The following RYR2 variants were observed in gnomAD, a reference collection of about 807,000 sequenced individuals.
RYR2 encodes the protein cardiac muscle ryanodine receptor-calcium release channel.
Under a neutral mutation model 601.1 loss-of-function variants are expected in RYR2, and 227 were observed. That is an observed-to-expected ratio of 0.38 (90% CI 0.34 to 0.42). RYR2 has a LOEUF of 0.42. Ranked by LOEUF, RYR2 falls within the 10% of genes least tolerant of loss-of-function variation. RYR2 has a pLI of 1.00. For synonymous variants in RYR2, 2,223 were observed against 2,175.1 expected, an observed-to-expected ratio of 1.02 and a Z score of -0.61; for missense variants, 4,646 against 6,156.5, an observed-to-expected ratio of 0.75 and a Z score of 8.21.
chr1:237,548,300 TG>T, intron 25 of RYR2, 130 bp from the exon 26 acceptor site: 1 of 824,672 alleles, frequency 1.2e-6, no homozygotes, highest in Non-Finnish European at 1.9e-6. Context: ...GCTTGCTGTC[TG>T]GTACTTCACC....
intron 1 of RYR2, among the ~76,000 whole-genome samples, chr1:237,241,887 C>A (rs984340141): frequency 6.6e-6 from 1 of 152,136 alleles, no homozygotes; most frequent in Non-Finnish European, 1.5e-5. Context: ...TGAGGATGAA[C>A]AGAGGTCACT....
intron 1 of RYR2, among the ~76,000 whole-genome samples, chr1:237,164,416 G>C (rs1410018861): frequency 1.3e-5 from 2 of 152,238 alleles, no homozygotes. Context: ...GGTGAGCCAT[G>C]TCATTGTTGG....
intron 17 of RYR2, among the ~76,000 whole-genome samples, chr1:237,491,397 G>A (rs1388722642): frequency 6.6e-6 from 1 of 152,062 alleles, no homozygotes; most frequent in Non-Finnish European, 1.5e-5. Flanking sequence ...CACTCACTCT[G>A]TACATGAGGC....
intron 1 of RYR2, among the ~76,000 whole-genome samples, chr1:237,167,071 C>T (rs1436020313): frequency 1.3e-5 from 2 of 152,192 alleles, no homozygotes; most frequent in Non-Finnish European, 2.9e-5. Context: ...CCCATAAAAG[C>T]TGTAACCAAA....
rs778358338 is a variant in RYR2, at chr1:237,638,431, G to T, written c.6867G>T (p.Gly2289=). The change falls in exon 45 of 105, where the codon GGG becomes GGT. Residue 2289 remains glycine (G), a synonymous_variant. Coordinates refer to ENST00000366574, the MANE Select transcript of RYR2 (RefSeq NM_001035.3). The stretch of plus-strand genomic sequence containing the variant: ...TGTCTAAGGGCTATCCAGACATTGG[G>T]TGGAACCCAGTTGAAGGAGAGAGAT... ...MLVSKGYPDI[G]WNPVEGERYL... 2.5e-6 allele frequency: 4 copies of T among 1,613,832 alleles called. No homozygotes were observed. The highest frequency in any genetic ancestry group is 3.4e-6 in the Non-Finnish European group (4 of 1,179,856).
Position 237,493,080 on chromosome 1 carries a change from G to A in RYR2, c.1954G>A (p.Val652Ile). 1 of 1,613,612 alleles carries A rather than the reference G, an allele frequency of 6.2e-7. No individual in the cohort carries two copies. The highest frequency in any genetic ancestry group is 8.5e-7 in the Non-Finnish European group (1 of 1,179,786). ...LLLQTRLVNH[V>I]SSMRPNIFLG... ...ATTGCAGACACGTCTTGTGAACCAT[G>A]TCAGCAGGTAAATTCAGACAGACAA... Residue 652 changes from valine to isoleucine, a missense_variant, in exon 19 of 105, where the codon GTC (valine) becomes ATC (isoleucine). Val to Ile is a conservative substitution (Grantham distance 29, BLOSUM62 3). Transcript: ENST00000366574.
At chr1:237,451,580 C>CA (rs3035864) in intron 14 of RYR2, among the ~76,000 whole-genome samples, 15,593 of 119,970 alleles carry the variant, frequency 0.13, 2,476 homozygotes, top group African/African-American at 0.41. Flanking sequence ...AACTCTGTCT[C>CA]AAAAAAAAAA....
At chr1:237,607,744 G>C (rs866579500) in intron 35 of RYR2, among the ~76,000 whole-genome samples, 14 of 152,248 alleles carry the variant, frequency 9.2e-5, no homozygotes, top group South Asian at 4.1e-4. Context: ...CAGGAAAAAA[G>C]GTTGAACTTA....
At chr1:237,500,664 T>A (rs765354605) in intron 20 of RYR2, 47 bp from the exon 21 acceptor site, 3 of 1,494,146 alleles carry the variant, frequency 2.0e-6, no homozygotes. Flanking sequence ...GCTGATTCTC[T>A]GAGATAAAAA....
chr1:237,216,260 C>T (rs955366194), intron 1 of RYR2, among the ~76,000 whole-genome samples: 8 of 152,118 alleles, frequency 5.3e-5, no homozygotes, highest in Admixed American at 3.3e-4. Context: ...TCAGTCTTTT[C>T]AACCTATGTC....
intron 1 of RYR2, among the ~76,000 whole-genome samples, chr1:237,240,678 A>C (rs192664453): frequency 0.012 from 1,739 of 148,166 alleles, 35 homozygotes; most frequent in African/African-American, 0.039. Flanking sequence ...AAAAAAAAAA[A>C]AAAAAAAAAA....
rs10567644 is a variant in RYR2, at chr1:237,383,417, G to GTTTTT, written c.577-3838_577-3834dup. 2.3e-3 allele frequency among the ~76,000 whole-genome samples: 114 copies of GTTTTT among 50,586 alleles called. 13 individuals carry two copies. The highest frequency in any genetic ancestry group is 3.3e-3 in the Non-Finnish European group (88 of 26,520). The allele number at this position is 50,586 out of a possible 152,430, so 33.2% of individuals were successfully genotyped here. ...TTTACATTTTCTTTTCTTTTTTCTT[G>GTTTTT]TTTTTTTTTTTTTTTTTTTTTTTTT... is the stretch of plus-strand genomic sequence containing the variant. On this transcript the variant is annotated intron_variant, in intron 8 of 104. Coordinates refer to ENST00000366574, the MANE Select transcript of RYR2 (RefSeq NM_001035.3).
At position 237,417,111 on chromosome 1, in the gene RYR2, C is replaced by T. The variant is rs754312807; in HGVS notation, c.836C>T (p.Thr279Met). 2.4e-5 allele frequency: 38 copies of T among 1,613,160 alleles called. No individual in the cohort carries two copies. The highest frequency in any genetic ancestry group is 1.6e-4 in the Middle Eastern group (1 of 6,062). The change falls in exon 11 of 105, where the codon ACG becomes ATG. Residue 279 changes from threonine to methionine, a missense_variant. Physicochemically the swap from Thr to Met is moderately conservative, Grantham distance 81. Transcript: ENST00000366574. ...GCACGTTCCCTTTGGAGACTAGAGA[C>T]GCTAAGAGTTGCGTAAGTAGAACTT... Reference protein sequence around the residue: ...VHARSLWRLETLRVAWSGSHI... With the variant: ...VHARSLWRLEMLRVAWSGSHI...
chr1:237,383,378 C>G (rs1330409645), intron 8 of RYR2, among the ~76,000 whole-genome samples: 2 of 149,468 alleles, frequency 1.3e-5, no homozygotes, highest in African/African-American at 4.9e-5. Flanking sequence ...ACTCTGCATT[C>G]CAATCTAGAT....
intron 27 of RYR2, among the ~76,000 whole-genome samples, chr1:237,563,572 T>C (rs1056228423): frequency 6.6e-6 from 1 of 152,006 alleles, no homozygotes; most frequent in Non-Finnish European, 1.5e-5. Flanking sequence ...AAGAATAGCA[T>C]AGCATTAGGG....
intron 1 of RYR2, among the ~76,000 whole-genome samples, chr1:237,243,516 AC>A (rs1182448111): frequency 1.3e-5 from 2 of 152,198 alleles, no homozygotes; most frequent in Admixed American, 6.5e-5. Flanking sequence ...CTCCCTGGGC[AC>A]CACCACCCAG....
chr1:237,801,077 T>A (rs1659905166), intron 97 of RYR2, among the ~76,000 whole-genome samples: 1 of 152,228 alleles, frequency 6.6e-6, no homozygotes, highest in Non-Finnish European at 1.5e-5. Flanking sequence ...CTTTCATTTA[T>A]AAAATAAGGT....
intron 2 of RYR2, among the ~76,000 whole-genome samples, chr1:237,271,320 T>C (rs1430066099): frequency 6.6e-6 from 1 of 152,200 alleles, no homozygotes; most frequent in African/African-American, 2.4e-5. Flanking sequence ...AGGATATTTA[T>C]TCTTTTAGGC....
chr1:237,626,960 T>C (rs1275778528), intron 40 of RYR2, among the ~76,000 whole-genome samples: 2 of 152,138 alleles, frequency 1.3e-5, no homozygotes, highest in Admixed American at 6.6e-5. Context: ...TTTTCAGATA[T>C]AGGGGAATAT....
Sources: allele counts gnomAD v4.1 joint callset (sites outside exome capture counted in the v4.1 genomes callset), GRCh38; gene constraint gnomAD v4.1.1; transcripts MANE v1.5; gene names NCBI Gene and HGNC (gene_info 2026-07-23, HGNC 2026-07-21).